WASF1: variants seen among roughly 807,000 people sequenced by gnomAD.
The protein encoded by WASF1 is actin-binding protein WASF1.
In WASF1, 7 loss-of-function variants were observed where a neutral mutation model predicts 50.5. The ratio of observed to expected loss-of-function variants is 0.14; its 90% CI spans 0.08 to 0.26. The LOEUF is 0.26. WASF1 is among the 10% of genes least tolerant of loss of function. The pLI, the probability that WASF1 is intolerant of heterozygous loss-of-function variation, is 1.00. For synonymous variants in WASF1, 205 were observed against 244.0 expected (o/e 0.84, Z 1.49); for missense variants, 470 against 694.7 (o/e 0.68, Z 3.64).
chr6:110,107,854 T>C (rs1427320260), intron 6 of WASF1, among the ~76,000 whole-genome samples: 1 of 152,036 alleles, frequency 6.6e-6, no homozygotes, highest in African/African-American at 2.4e-5. Flanking sequence ...GAAGTTAATG[T>C]ATACAAATCA....
intron 7 of WASF1, among the ~76,000 whole-genome samples, chr6:110,106,108 T>A (rs905847248): frequency 7.2e-5 from 11 of 152,026 alleles, no homozygotes; most frequent in African/African-American, 2.4e-4. Context: ...GATTCAAAAC[T>A]GGGGGAGAAA....
intron 3 of WASF1, among the ~76,000 whole-genome samples, chr6:110,144,896 G>A (rs915516387): frequency 2.0e-5 from 3 of 152,090 alleles, no homozygotes; most frequent in South Asian, 2.1e-4. Context: ...GTAGCGTGAC[G>A]CCTCCAGCTT....
intron 3 of WASF1, among the ~76,000 whole-genome samples, chr6:110,142,234 T>C (rs1775277135): frequency 6.6e-6 from 1 of 152,236 alleles, no homozygotes; most frequent in Non-Finnish European, 1.5e-5. Context: ...TTCAAGGGTA[T>C]AAAATCACAC....
chr6:110,160,077 A>G (rs1445849418), intron 3 of WASF1, among the ~76,000 whole-genome samples: 1 of 151,920 alleles, frequency 6.6e-6, no homozygotes, highest in Non-Finnish European at 1.5e-5. Context: ...AGTCTAATTT[A>G]AAAACAGAAT....
At chr6:110,154,697 A>G (rs1179537284) in intron 3 of WASF1, among the ~76,000 whole-genome samples, 1 of 152,076 alleles carries the variant, frequency 6.6e-6, no homozygotes, top group East Asian at 1.9e-4. Context: ...ATTACCTTTG[A>G]TTGATATTTT....
chr6:110,151,683 T>G (rs1775832491), intron 3 of WASF1, among the ~76,000 whole-genome samples: 1 of 152,194 alleles, frequency 6.6e-6, no homozygotes, highest in African/African-American at 2.4e-5. Context: ...TTGAGTGAAC[T>G]TAAAAAACTT....
chr6:110,111,062 T>C (rs1773533327), intron 5 of WASF1, among the ~76,000 whole-genome samples: 1 of 152,182 alleles, frequency 6.6e-6, no homozygotes, highest in African/African-American at 2.4e-5. Flanking sequence ...ATCTGTATTT[T>C]CACTTTCAAG....
intron 2 of WASF1, among the ~76,000 whole-genome samples, chr6:110,168,640 A>G (rs1427814577): frequency 6.6e-6 from 1 of 152,094 alleles, no homozygotes; most frequent in African/African-American, 2.4e-5. Flanking sequence ...GACAAGAGCA[A>G]GGCTTTTAAA....
At position 110,127,668 on chromosome 6, in the gene WASF1, C is replaced by T. The variant is rs1295704161; in HGVS notation, c.-28-39G>A. On this transcript the variant is annotated intron_variant, in intron 3 of 10. Coordinates refer to ENST00000392589, the MANE Select transcript of WASF1 (RefSeq NM_003931.3). ...AAAATAAATTAACAATATTAAATTT[C>T]AGCCAACACAGAATGAGACTTTATT... 2.8e-6 allele frequency: 4 copies of T among 1,429,844 alleles called. No individual in the cohort carries two copies. The Admixed American group carries it at 8.3e-5, about 30-fold the overall frequency. 88.6% of individuals were successfully genotyped at this position (1,429,844 alleles called of 1,614,324 possible). A position where few individuals can be genotyped will look rare whatever the true frequency, so the allele number is the denominator to read the frequency against.
chr6:110,172,102 A>G (rs962245169), intron 2 of WASF1, among the ~76,000 whole-genome samples: 3 of 152,236 alleles, frequency 2.0e-5, no homozygotes, highest in Non-Finnish European at 2.9e-5. Flanking sequence ...AAATTAGTTC[A>G]ACCATTGTGG....
chr6:110,136,335 T>G lies in WASF1; in HGVS notation c.-28-8706A>C, dbSNP rs141187869. On this transcript the variant is annotated intron_variant, in intron 3 of 10. Transcript: ENST00000392589. ...CACTTTATTGTCCAAAATAGTCAAT[T>G]TTTGTAAACATTCCAGGGATACTGA... is the stretch of plus-strand genomic sequence containing the variant. 7.2e-3 allele frequency among the ~76,000 whole-genome samples: 1,099 copies of G among 152,362 alleles called. 19 individuals carry two copies. The highest frequency in any genetic ancestry group is 0.025 in the African/African-American group (1,057 of 41,588).
intron 4 of WASF1, among the ~76,000 whole-genome samples, chr6:110,122,439 A>T (rs1056304893): frequency 3.9e-5 from 6 of 152,194 alleles, no homozygotes; most frequent in Non-Finnish European, 7.3e-5. Flanking sequence ...AGAAATGAAG[A>T]AGCAAAAAAG....
chr6:110,115,810 G>C (rs927905065), intron 4 of WASF1, among the ~76,000 whole-genome samples: 2 of 152,188 alleles, frequency 1.3e-5, no homozygotes, highest in Non-Finnish European at 2.9e-5. Context: ...CATAAAATTT[G>C]AGAAAACTGT....
intron 3 of WASF1, among the ~76,000 whole-genome samples, chr6:110,152,484 C>A (rs1323557534): frequency 2.0e-5 from 3 of 152,108 alleles, no homozygotes; most frequent in African/African-American, 7.2e-5. Flanking sequence ...AAACAATTCA[C>A]AATACAATGA....
intron 10 of WASF1, 103 bp downstream of exon 10, chr6:110,101,485 A>T: frequency 6.9e-7 from 1 of 1,448,778 alleles, no homozygotes; most frequent in Non-Finnish European, 9.2e-7. Context: ...CACAAACATG[A>T]TCACCTAAAA....
chr6:110,109,274 C>T (rs573508379), intron 5 of WASF1, among the ~76,000 whole-genome samples: 1 of 152,242 alleles, frequency 6.6e-6, no homozygotes, highest in South Asian at 2.1e-4. Context: ...AGGATTTCTA[C>T]CTAACTATAA....
intron 4 of WASF1, among the ~76,000 whole-genome samples, chr6:110,114,306 A>G (rs1773697641): frequency 1.3e-5 from 2 of 152,234 alleles, no homozygotes; most frequent in African/African-American, 4.8e-5. Flanking sequence ...CAAGAAAGTC[A>G]TAACACTACA....
At position 110,101,567 on chromosome 6, in the gene WASF1, T is replaced by A. The variant is rs200085116; in HGVS notation, c.1522+21A>T. ...TCCAATGCTACTATAGCAATGCTTT[T>A]CATGGAGCTGAGAAAATTACCTTTT... On this transcript the variant is annotated intron_variant, in intron 10 of 10. Transcript: ENST00000392589. 1.6e-5 allele frequency: 26 copies of A among 1,589,238 alleles called. No individual in the cohort carries two copies. In the East Asian group the frequency reaches 3.6e-4, roughly 22 times the overall value.
intron 3 of WASF1, among the ~76,000 whole-genome samples, chr6:110,129,503 A>G (rs983515374): frequency 2.0e-5 from 3 of 152,198 alleles, no homozygotes; most frequent in African/African-American, 7.2e-5. Flanking sequence ...AAAAGAAGGA[A>G]TATGTTCCAA....
Sources: gnomAD v4.1 joint callset for allele counts (sites outside exome capture counted in the v4.1 genomes callset) on GRCh38, gnomAD v4.1.1 for gene constraint, MANE v1.5 for transcripts, NCBI Gene and HGNC (gene_info 2026-07-23, HGNC 2026-07-21) for gene names.